RNF125: variants seen among roughly 807,000 people sequenced by gnomAD.
The protein encoded by RNF125 is E3 ubiquitin-protein ligase RNF125.
RNF125 carries 21 observed loss-of-function variants against 26.0 expected under a neutral mutation model. The ratio of observed to expected loss-of-function variants is 0.81; its 90% CI spans 0.57 to 1.16. RNF125 has a LOEUF of 1.16. RNF125 is among the 50% of genes most tolerant of loss of function. RNF125 has a pLI of 0.00. For synonymous variants in RNF125, 95 were observed against 109.2 expected (o/e 0.87, Z 0.81); for missense variants, 270 against 299.4 (o/e 0.90, Z 0.72).
intron 1 of RNF125, among the ~76,000 whole-genome samples, chr18:32,034,349 G>C (rs989177153): frequency 6.6e-6 from 1 of 151,920 alleles, no homozygotes; most frequent in African/African-American, 2.4e-5. Flanking sequence ...GAGCAGGGCG[G>C]CAGCTGCAGC....
At chr18:32,032,852 C>CAA (rs113015805) in intron 1 of RNF125, among the ~76,000 whole-genome samples, 1 of 150,356 alleles carries the variant, frequency 6.7e-6, no homozygotes, top group Non-Finnish European at 1.5e-5. Flanking sequence ...AGACATCTGG[C>CAA]AAAAAAAACC....
downstream of RNF125, among the ~76,000 whole-genome samples, chr18:32,077,334 ATTTTTT>A (rs552701343): frequency 3.3e-3 from 356 of 107,868 alleles, 3 homozygotes; most frequent in African/African-American, 0.012. Flanking sequence ...CCCTCTCCCC[ATTTTTT>A]TTTTTTTTTT....
rs574284549 is a variant in RNF125, at chr18:32,046,739, C to T, written c.504+1007C>T. On this transcript the variant is annotated intron_variant, in intron 4 of 5. Coordinates refer to ENST00000217740, the MANE Select transcript of RNF125 (RefSeq NM_017831.4). ...GTTTGTATGGTAAATGTACATATTG[C>T]TCATTATTTCCTATATTCATTGTGA... Among the ~76,000 whole-genome samples the T allele has an allele frequency of 1.3e-4, 19 of 151,740 alleles. No homozygotes were observed. The South Asian group carries it at 3.7e-3, about 30-fold the overall frequency.
chr18:32,076,280 A>T, downstream of RNF125: 1 of 349,086 alleles, frequency 2.9e-6, no homozygotes, highest in South Asian at 2.8e-5. Context: ...CATTGTGGTG[A>T]CATGGAAAGA....
At chr18:32,089,246 C>G in the RNF125 span, among the ~76,000 whole-genome samples, 13 of 152,194 alleles carry the variant, frequency 8.5e-5, no homozygotes, top group African/African-American at 2.4e-5. Context: ...GAAAATTAGT[C>G]TGGCTAAAGA....
downstream of RNF125, among the ~76,000 whole-genome samples, chr18:32,074,536 T>A (rs2039556590): frequency 6.6e-6 from 1 of 152,042 alleles, no homozygotes. Flanking sequence ...ATGGTAGTAT[T>A]TTCTTTTTCT....
chr18:32,023,185 C>G (rs934043151), intron 1 of RNF125, among the ~76,000 whole-genome samples: 1 of 152,102 alleles, frequency 6.6e-6, no homozygotes, highest in African/African-American at 2.4e-5. Flanking sequence ...TGGAGTCTCA[C>G]TCTGTCACCT....
chr18:32,043,754 G>C (rs960333787), intron 3 of RNF125, among the ~76,000 whole-genome samples: 1 of 152,076 alleles, frequency 6.6e-6, no homozygotes, highest in South Asian at 2.1e-4. Flanking sequence ...AAATGGAGAG[G>C]GTTGTTGATT....
At chr18:32,083,696 G>C in the RNF125 span, among the ~76,000 whole-genome samples, 1 of 152,024 alleles carries the variant, frequency 6.6e-6, no homozygotes, top group Non-Finnish European at 1.5e-5. Context: ...CAGATTGCTT[G>C]AGCTCAGAAG....
chr18:32,089,952 A>G, the RNF125 span, among the ~76,000 whole-genome samples: 2 of 152,202 alleles, frequency 1.3e-5, no homozygotes, highest in Non-Finnish European at 2.9e-5. Flanking sequence ...ATTATCAAAA[A>G]AGTAAAATGT....
chr18:32,082,248 T>G, the RNF125 span, among the ~76,000 whole-genome samples: 1 of 152,116 alleles, frequency 6.6e-6, no homozygotes, highest in Non-Finnish European at 1.5e-5. Flanking sequence ...TCACACTGGC[T>G]TCTCTCCTGG....
intron 1 of RNF125, among the ~76,000 whole-genome samples, chr18:32,021,881 A>T (rs2038989995): frequency 6.6e-6 from 1 of 152,236 alleles, no homozygotes; most frequent in Non-Finnish European, 1.5e-5. Flanking sequence ...AAATAGCATT[A>T]CAAGGGCTGA....
At chr18:32,066,652 C>T (rs959675190) in intron 5 of RNF125, among the ~76,000 whole-genome samples, 1 of 152,104 alleles carries the variant, frequency 6.6e-6, no homozygotes, top group African/African-American at 2.4e-5. Flanking sequence ...GGTATTTAAC[C>T]TCGGAAACTC....
At chr18:32,067,993 GCAC>G (rs1318896038) in intron 5 of RNF125, among the ~76,000 whole-genome samples, 4 of 152,290 alleles carry the variant, frequency 2.6e-5, no homozygotes, top group African/African-American at 7.2e-5. Context: ...GTGGAACATA[GCAC>G]TCTGACCAGG....
At chr18:32,059,224 T>G (rs1484392810) in intron 4 of RNF125, among the ~76,000 whole-genome samples, 1 of 152,210 alleles carries the variant, frequency 6.6e-6, no homozygotes, top group African/African-American at 2.4e-5. Context: ...TTGTACTAAT[T>G]TACATTCCCA....
At chr18:32,045,444 T>C (rs1382720669) in intron 3 of RNF125, among the ~76,000 whole-genome samples, 198 bp from the exon 4 acceptor site, 1 of 150,156 alleles carries the variant, frequency 6.7e-6, no homozygotes, top group South Asian at 2.1e-4. Context: ...TTGTAATCCC[T>C]GCCACTTGGG....
intron 4 of RNF125, among the ~76,000 whole-genome samples, chr18:32,054,590 C>A (rs60448569): frequency 0.091 from 13,895 of 152,178 alleles, 2,064 homozygotes; most frequent in African/African-American, 0.31. Context: ...AAAGTTATAT[C>A]ATTGAAAAAG....
chr18:32,068,600 C>CAAA lies in RNF125; in HGVS notation c.*222_*224dup. 2.4e-6 allele frequency: 1 copy of CAAA among 423,160 alleles called. No individual in the cohort carries two copies. The highest frequency in any genetic ancestry group is 4.3e-6 in the Non-Finnish European group (1 of 234,816). 26.2% of individuals were successfully genotyped at this position (423,160 alleles called of 1,614,324 possible). ...CTTGAGATTCTTACACATCTAACAA[C>CAAA]AAAAAAAATTATCTACATCAGTCAT... On this transcript the variant is annotated 3_prime_UTR_variant, in exon 6 of 6. Transcript: ENST00000217740.
At chr18:32,030,329 CA>C (rs1439478405) in intron 1 of RNF125, among the ~76,000 whole-genome samples, 3 of 152,218 alleles carry the variant, frequency 2.0e-5, no homozygotes, top group Non-Finnish European at 4.4e-5. Flanking sequence ...AGGCGTGAGC[CA>C]CCCTACCCGG....
Sources: allele counts gnomAD v4.1 joint callset (sites outside exome capture counted in the v4.1 genomes callset), GRCh38; gene constraint gnomAD v4.1.1; transcripts MANE v1.5; gene names NCBI Gene and HGNC (gene_info 2026-07-23, HGNC 2026-07-21).